The following ADAMTS13 variants were observed in gnomAD, a reference collection of about 807,000 sequenced individuals.
ADAMTS13 encodes the protein ADAM metallopeptidase with thrombospondin type 1 motif 13.
Under a neutral mutation model 155.1 loss-of-function variants are expected in ADAMTS13, and 110 were observed. That is an observed-to-expected ratio of 0.71 (90% CI 0.61 to 0.83). The LOEUF is 0.83. Ranked by LOEUF, ADAMTS13 falls within the 40% of genes least tolerant of loss-of-function variation. The pLI is 0.00. For missense variants in ADAMTS13, 1,707 were observed against 1,891.7 expected (o/e 0.90, Z 1.81); for synonymous variants, 758 against 756.4 (o/e 1.00, Z -0.03).
At chr9:133,455,990 C>T in intron 25 of ADAMTS13, 79 bp from the exon 26 acceptor site, 2 of 1,594,754 alleles carry the variant, frequency 1.3e-6, no homozygotes, top group Non-Finnish European at 1.7e-6. Context: ...TGGTCTCCTT[C>T]CTCAGCTTGG....
chr9:133,430,163 G>A (rs782183226), intron 8 of ADAMTS13, 62 bp downstream of exon 8: 133 of 1,538,730 alleles, frequency 8.6e-5, no homozygotes, highest in Non-Finnish European at 1.1e-4. Context: ...CCCAGCTCAC[G>A]TCCCCCAAAA....
chr9:133,419,876 C>G (rs1032924985), upstream of ADAMTS13, among the ~76,000 whole-genome samples: 1 of 146,972 alleles, frequency 6.8e-6, no homozygotes, highest in Non-Finnish European at 1.5e-5. Flanking sequence ...GTAGCTGGAA[C>G]TACAGGTGCA....
Position 133,459,260 on chromosome 9 carries a change from T to C in ADAMTS13, c.*80T>C, listed in dbSNP as rs587597243. The C allele has an allele frequency of 6.7e-5, 93 of 1,383,546 alleles. No homozygotes were observed. The African/African-American group carries it at 1.2e-3, about 18-fold the overall frequency. 85.7% of individuals were successfully genotyped at this position (1,383,546 alleles called of 1,614,324 possible). On this transcript the variant is annotated 3_prime_UTR_variant, in exon 29 of 29. Transcript: ENST00000355699. ...TCTCAGTGCTTTCCAATTCGAACTT[T>C]TTCCAATCTTAGGTATCTACTTTAG...
chr9:133,414,495 C>T (rs782815012), exon 1 of ADAMTS13: 4 of 729,302 alleles, frequency 5.5e-6, no homozygotes, highest in Non-Finnish European at 9.8e-6. Flanking sequence ...CCTGCCTTAT[C>T]ATGCGCACAC....
rs782132594 is a variant in ADAMTS13, at chr9:133,439,343, T to C, written c.1706-23T>C. ...GTGGTGGCTGTGAGGTCCACGCATC[T>C]CTCCTTCTTTTCTTCTTTCTAGAAT... On this transcript the variant is annotated intron_variant, in intron 14 of 28. Transcript: ENST00000355699. The C allele has an allele frequency of 1.4e-5, 22 of 1,573,786 alleles. 2 individuals carry two copies. In the Middle Eastern group the frequency reaches 6.7e-4, roughly 48 times the overall value.
Position 133,433,498 on chromosome 9 carries a change from G to T in ADAMTS13, c.1213G>T (p.Val405Phe). 1.2e-6 allele frequency: 2 copies of T among 1,613,638 alleles called. No individual in the cohort carries two copies. Among genetic ancestry groups the T allele is most frequent in the Non-Finnish European group, 1.7e-6 (2 of 1,179,976 alleles). Residue 405 changes from valine to phenylalanine, a missense_variant, in exon 10 of 29, where the codon GTC becomes TTC. Val to Phe is a conservative substitution (Grantham distance 50). Transcript: ENST00000355699. ...PCSRSCGGGVVTRRRQCNNPR... is the reference protein window; with the variant it reads ...PCSRSCGGGVFTRRRQCNNPR... ...CTCCCGCTCCTGCGGAGGAGGTGTGGTCACCAGGAGGCGGCAGTGCAACAA... is the reference window on the plus strand; with the variant it reads ...CTCCCGCTCCTGCGGAGGAGGTGTGTTCACCAGGAGGCGGCAGTGCAACAA...
chr9:133,417,877 A>C (rs1588144788), upstream of ADAMTS13: 1 of 1,585,736 alleles, frequency 6.3e-7, no homozygotes, highest in Non-Finnish European at 8.5e-7. Context: ...GCCGGCGGCC[A>C]CCCGAGACCC....
Position 133,440,307 on chromosome 9 carries a change from C to T in ADAMTS13, c.1787-37C>T, listed in dbSNP as rs587734309. On this transcript the variant is annotated intron_variant, in intron 15 of 28. Coordinates refer to ENST00000355699, the MANE Select transcript of ADAMTS13 (RefSeq NM_139027.6). This position sits in a 1 kb window ranked among gnomAD's most constrained non-coding sequence, Gnocchi z 4.3. ...TGTGCCTGTGAGGAGGATGGGTGCT[C>T]AGCTCCACACAGCTAACAGGGCTGG... 6 of 1,612,768 alleles carry T rather than the reference C, an allele frequency of 3.7e-6. No individual in the cohort carries two copies. Among genetic ancestry groups the T allele is most frequent in the East Asian group, 4.5e-5 (2 of 44,880 alleles).
At position 133,428,791 on chromosome 9, in the gene ADAMTS13, AG is replaced by A; in HGVS notation, c.824+24del. The stretch of plus-strand genomic sequence containing the variant: ...GCTCAGGTAGCGGCCGCCCCGTGGG[AG>A]GGGCGCGCGAGCCTCCAGCCAGCCC... On this transcript the variant is annotated intron_variant, in intron 7 of 28. Coordinates refer to ENST00000355699, the MANE Select transcript of ADAMTS13 (RefSeq NM_139027.6). 7.7e-7 allele frequency: 1 copy of A among 1,291,796 alleles called. No homozygotes were observed. The highest frequency in any genetic ancestry group is 2.2e-5 in the South Asian group (1 of 45,300). 80.0% of individuals were successfully genotyped at this position (1,291,796 alleles called of 1,614,324 possible).
intron 12 of ADAMTS13, among the ~76,000 whole-genome samples, chr9:133,437,190 A>C (rs1841302883): frequency 6.6e-6 from 1 of 152,216 alleles, no homozygotes; most frequent in South Asian, 2.1e-4. Flanking sequence ...TAATAGCAGT[A>C]GGTCCCTCCC....
At chr9:133,429,249 A>C (rs1554786315) in intron 7 of ADAMTS13, among the ~76,000 whole-genome samples, 1 of 86,726 alleles carries the variant, frequency 1.2e-5, no homozygotes, top group Non-Finnish European at 2.3e-5. Flanking sequence ...CCTTCTGTCC[A>C]ACCCCTGCGC....
At chr9:133,423,010 A>G in intron 1 of ADAMTS13, 91 bp from the exon 2 acceptor site, 1 of 1,075,046 alleles carries the variant, frequency 9.3e-7, no homozygotes, top group Non-Finnish European at 1.4e-6. Flanking sequence ...TCCTGGACTC[A>G]AGTGATCCTC....
chr9:133,455,311 C>T lies in ADAMTS13; in HGVS notation c.3276C>T (p.Ile1092=). 1 of 1,604,630 alleles carries T rather than the reference C, an allele frequency of 6.2e-7. No individual in the cohort carries two copies. The change falls in exon 25 of 29, where the codon ATC becomes ATT. Residue 1092 remains isoleucine (I), a synonymous_variant. Coordinates refer to ENST00000355699, the MANE Select transcript of ADAMTS13 (RefSeq NM_139027.6). ...GCTCTGTTTCCTGTGGGGATGGCATCCAGCGCCGGCGTGACACCTGCCTCG... is the reference window on the plus strand; with the variant it reads ...GCTCTGTTTCCTGTGGGGATGGCATTCAGCGCCGGCGTGACACCTGCCTCG... ...MECSVSCGDG[I]QRRRDTCLGP... is the part of the protein sequence containing the mutation.
intron 21 of ADAMTS13, among the ~76,000 whole-genome samples, chr9:133,447,255 C>G: frequency 6.6e-6 from 1 of 152,118 alleles, no homozygotes; most frequent in Middle Eastern, 3.4e-3. Context: ...AAAATGTCAG[C>G]CTGTTTAAAA....
Position 133,445,096 on chromosome 9 carries a change from T to C in ADAMTS13, c.2610+44T>C, listed in dbSNP as rs781821340. 4.4e-6 allele frequency: 7 copies of C among 1,594,218 alleles called. No individual in the cohort carries two copies. Among genetic ancestry groups the C allele is most frequent in the Non-Finnish European group, 6.0e-6 (7 of 1,172,064 alleles). On this transcript the variant is annotated intron_variant, in intron 20 of 28. Transcript: ENST00000355699. This position sits in a 1 kb window ranked among gnomAD's most constrained non-coding sequence, Gnocchi z 5.0. ...AGGGTGGCTGGGGCTGTTGAGTCCT[T>C]TACCTGGCTGGGAGAACGAGGAGCA...
chr9:133,454,350 C>T (rs1240639226), intron 23 of ADAMTS13, 65 bp from the exon 24 acceptor site: 2 of 1,576,386 alleles, frequency 1.3e-6, no homozygotes, highest in Non-Finnish European at 1.7e-6. Context: ...TGGAGAGGGG[C>T]CTGCGTGGGG....
intron 22 of ADAMTS13, among the ~76,000 whole-genome samples, chr9:133,449,150 A>G (rs1842265431): frequency 1.3e-5 from 2 of 152,196 alleles, no homozygotes; most frequent in Non-Finnish European, 2.9e-5. Flanking sequence ...TGTAAAATGC[A>G]TGCTCGATGC....
intron 7 of ADAMTS13, 27 bp from the exon 8 acceptor site, chr9:133,429,912 C>T: frequency 6.5e-7 from 1 of 1,534,404 alleles, no homozygotes; most frequent in Non-Finnish European, 8.7e-7. Context: ...CGGGACTGAG[C>T]CGGGCCTGAG....
chr9:133,422,814 C>T (rs36218242), intron 1 of ADAMTS13, among the ~76,000 whole-genome samples: 3 of 151,826 alleles, frequency 2.0e-5, no homozygotes, highest in South Asian at 2.1e-4. Flanking sequence ...TTCTCTGCCT[C>T]TCCCTTCCTC....
Sources: gnomAD v4.1 joint callset for allele counts (sites outside exome capture counted in the v4.1 genomes callset) on GRCh38, gnomAD v4.1.1 for gene constraint, Gnocchi (gnomAD v3.1) non-coding constraint, MANE v1.5 for transcripts, NCBI Gene and HGNC (gene_info 2026-07-23, HGNC 2026-07-21) for gene names.